SPHKAP: variants seen among roughly 807,000 people sequenced by gnomAD.
The protein encoded by SPHKAP is SPHK1 interactor, AKAP domain containing, also known as A-kinase anchor protein SPHKAP.
SPHKAP carries 67 observed loss-of-function variants against 137.5 expected under a neutral mutation model. That is an observed-to-expected ratio of 0.49 (90% CI 0.40 to 0.60). The LOEUF (loss-of-function observed/expected upper bound fraction) is 0.60. SPHKAP is among the 20% of genes least tolerant of loss of function. The pLI, the probability that SPHKAP is intolerant of heterozygous loss-of-function variation, is 0.00. For synonymous variants in SPHKAP, 813 were observed against 785.3 expected (o/e 1.04, Z -0.59); for missense variants, 2,097 against 2,069.3 (o/e 1.01, Z -0.26).
At chr2:228,027,590 T>G in intron 3 of SPHKAP, 47 bp from the exon 4 acceptor site, 5 of 1,582,124 alleles carry the variant, frequency 3.2e-6, no homozygotes, top group Non-Finnish European at 4.3e-6. Flanking sequence ...AAAACCTGAC[T>G]GTCTTTTTAG....
intron 3 of SPHKAP, among the ~76,000 whole-genome samples, chr2:228,056,794 G>A (rs1696463485): frequency 6.6e-6 from 1 of 152,048 alleles, no homozygotes. Context: ...AGCTTGTATT[G>A]GGAAGGCCTC....
At chr2:228,109,005 CTCT>C (rs1312674847) in intron 2 of SPHKAP, 66 bp from the exon 3 acceptor site, 3 of 974,086 alleles carry the variant, frequency 3.1e-6, no homozygotes, top group South Asian at 2.0e-5. Flanking sequence ...GCAGCTCTCT[CTCT>C]TTTTTTTTTT....
chr2:228,126,061 CAG>C (rs1024579579), intron 2 of SPHKAP, among the ~76,000 whole-genome samples: 3 of 152,048 alleles, frequency 2.0e-5, no homozygotes, highest in Non-Finnish European at 4.4e-5. Context: ...GCCTGGGCAA[CAG>C]AGTGATATGC....
At chr2:228,180,688 CGAGCGCAAA>C (rs1267981689) in intron 1 of SPHKAP, among the ~76,000 whole-genome samples, 1 of 152,202 alleles carries the variant, frequency 6.6e-6, no homozygotes, top group Non-Finnish European at 1.5e-5. Flanking sequence ...CCGCGCCCAG[CGAGCGCAAA>C]GAGCGCAAAG....
chr2:228,169,804 C>T (rs537155781), intron 1 of SPHKAP: 1 of 151,598 alleles, frequency 6.6e-6, no homozygotes, highest in South Asian at 2.1e-4. Flanking sequence ...TAGCATGGGC[C>T]CAGCACAGGA....
At chr2:228,102,745 G>GTTGT (rs1698217514) in intron 3 of SPHKAP, among the ~76,000 whole-genome samples, 1 of 146,340 alleles carries the variant, frequency 6.8e-6, no homozygotes, top group Admixed American at 6.7e-5. Context: ...AATTTTTTTT[G>GTTGT]TTGTTTGTTT....
chr2:228,027,243 A>G (rs1695078449), intron 4 of SPHKAP, among the ~76,000 whole-genome samples: 1 of 152,198 alleles, frequency 6.6e-6, no homozygotes, highest in Admixed American at 6.5e-5. Context: ...ATTTTAAGGC[A>G]CTGATGGGCA....
At chr2:228,080,099 G>A (rs531849063) in intron 3 of SPHKAP, among the ~76,000 whole-genome samples, 3 of 151,544 alleles carry the variant, frequency 2.0e-5, no homozygotes, top group Admixed American at 6.6e-5. Flanking sequence ...CAAGAGCATA[G>A]GTAACAAAAG....
chr2:228,054,378 G>T (rs1411381526), intron 3 of SPHKAP, among the ~76,000 whole-genome samples: 1 of 152,170 alleles, frequency 6.6e-6, no homozygotes, highest in African/African-American at 2.4e-5. Flanking sequence ...TTAAGAAAAT[G>T]GTAGGGTTTG....
intron 3 of SPHKAP, among the ~76,000 whole-genome samples, chr2:228,094,521 T>G (rs907274320): frequency 6.6e-6 from 1 of 152,250 alleles, no homozygotes; most frequent in Non-Finnish European, 1.5e-5. Context: ...TATTTTATTT[T>G]GGTCCTATCA....
At chr2:228,078,465 C>A (rs540943029) in intron 3 of SPHKAP, among the ~76,000 whole-genome samples, 1 of 144,626 alleles carries the variant, frequency 6.9e-6, no homozygotes, top group Admixed American at 7.1e-5. Flanking sequence ...ATTTATTTAA[C>A]TCTTCTGTGG....
rs536275525 is a variant in SPHKAP, at chr2:228,032,146, T to A, written c.247-4603A>T. 2.0e-5 allele frequency among the ~76,000 whole-genome samples: 3 copies of A among 152,102 alleles called. No individual in the cohort carries two copies. The East Asian group carries it at 5.8e-4, about 29-fold the overall frequency. On this transcript the variant is annotated intron_variant, in intron 3 of 11. Coordinates refer to ENST00000392056, the MANE Select transcript of SPHKAP (RefSeq NM_001142644.2). Reference sequence around the variant, plus strand: ...TTAAAAACTTTGAAAAAAAATTAGATGAATGGATAACTAGAATAACCAACG... The same window carrying A: ...TTAAAAACTTTGAAAAAAAATTAGAAGAATGGATAACTAGAATAACCAACG...
At position 228,019,600 on chromosome 2, in the gene SPHKAP, A is replaced by G; in HGVS notation, c.1254T>C (p.Ser418=). The G allele has an allele frequency of 6.2e-7, 1 of 1,614,170 alleles. No individual in the cohort carries two copies. The highest frequency in any genetic ancestry group is 8.5e-7 in the Non-Finnish European group (1 of 1,179,994). ...SQSQSTLPQE[S]AVSVSVGSSL... Reference sequence around the variant, plus strand: ...AACTTCCTACAGAAACACTGACTGCAGATTCCTGGGGTAATGTGGACTGAG... The same window carrying G: ...AACTTCCTACAGAAACACTGACTGCGGATTCCTGGGGTAATGTGGACTGAG... Residue 418 remains serine (S), a synonymous_variant, in exon 7 of 12, where the codon TCT becomes TCC. Transcript: ENST00000392056.
In SPHKAP at chr2:228,093,859, C is replaced by CA. The variant is rs11336381; in HGVS notation, c.246+14972dup. ...TGGGCGACAGGGCAAGACTCCGTTTCAAAAAAAAAAAAAAAAAAAAAAAAA... is the reference window on the plus strand; with the variant it reads ...TGGGCGACAGGGCAAGACTCCGTTTCAAAAAAAAAAAAAAAAAAAAAAAAAA... On this transcript the variant is annotated intron_variant, in intron 3 of 11. Transcript: ENST00000392056. Among the ~76,000 whole-genome samples, 32 of 77,130 alleles carry CA rather than the reference C, an allele frequency of 4.1e-4. 2 individuals carry two copies. Among genetic ancestry groups the CA allele is most frequent in the African/African-American group, 1.3e-3 (25 of 19,648 alleles). The allele number at this position is 77,130 out of a possible 152,430, so 50.6% of individuals were successfully genotyped here.
chr2:228,037,325 A>G (rs1415875313), intron 3 of SPHKAP, among the ~76,000 whole-genome samples: 1 of 152,214 alleles, frequency 6.6e-6, no homozygotes, highest in Non-Finnish European at 1.5e-5. Context: ...CTTGCACTTA[A>G]GTTTTACATG....
chr2:227,983,896 G>T (rs1446361974), intron 11 of SPHKAP, among the ~76,000 whole-genome samples: 1 of 152,112 alleles, frequency 6.6e-6, no homozygotes, highest in African/African-American at 2.4e-5. Context: ...TTCTTATCAC[G>T]TGGTGACTGA....
chr2:227,988,184 T>C (rs1040527155), intron 11 of SPHKAP, among the ~76,000 whole-genome samples: 4 of 152,232 alleles, frequency 2.6e-5, no homozygotes, highest in African/African-American at 9.6e-5. Flanking sequence ...AAGGGTTTTT[T>C]TTCTTTAACC....
chr2:228,149,353 G>C (rs946730003), intron 1 of SPHKAP, among the ~76,000 whole-genome samples: 2 of 152,098 alleles, frequency 1.3e-5, no homozygotes, highest in Non-Finnish European at 2.9e-5. Flanking sequence ...TAAAATCAAT[G>C]ATATCAATGT....
intron 7 of SPHKAP, among the ~76,000 whole-genome samples, chr2:228,001,455 G>T (rs1045180937): frequency 1.2e-4 from 16 of 131,514 alleles, no homozygotes; most frequent in African/African-American, 2.3e-4. Flanking sequence ...GTATATATAC[G>T]AATATATACG....
Sources: gnomAD v4.1 joint callset for allele counts (sites outside exome capture counted in the v4.1 genomes callset) on GRCh38, gnomAD v4.1.1 for gene constraint, MANE v1.5 for transcripts, NCBI Gene and HGNC (gene_info 2026-07-23, HGNC 2026-07-21) for gene names.